Variants in FBXL7 observed in about 807,000 individuals in gnomAD.
FBXL7 encodes F-box/LRR-repeat protein 7.
In FBXL7, 12 loss-of-function variants were observed where a neutral mutation model predicts 38.3. The observed-to-expected ratio is 0.31, with a 90% CI of 0.20 to 0.51. The LOEUF is 0.51. Among genes scored for constraint, FBXL7 ranks in the 20% least tolerant of loss-of-function variants. The pLI is 0.98. For synonymous variants in FBXL7, 297 were observed against 300.9 expected, an observed-to-expected ratio of 0.99 and a Z score of 0.13; for missense variants, 567 against 676.4, an observed-to-expected ratio of 0.84 and a Z score of 1.79.
At position 15,913,104 on chromosome 5, in the gene FBXL7, T is replaced by A. The variant is rs144953792; in HGVS notation, c.128-14786T>A. ...ACTGGTTTTTCCAAGCATTTAAAAATGTTAATGGGAATGTGGAATTTATGA... is the reference window on the plus strand; with the variant it reads ...ACTGGTTTTTCCAAGCATTTAAAAAAGTTAATGGGAATGTGGAATTTATGA... On this transcript the variant is annotated intron_variant, in intron 2 of 3. Coordinates refer to ENST00000504595, the MANE Select transcript of FBXL7 (RefSeq NM_012304.5). 6.8e-4 allele frequency among the ~76,000 whole-genome samples: 103 copies of A among 152,310 alleles called. 1 individual carries two copies. Among genetic ancestry groups the A allele is most frequent in the African/African-American group, 2.5e-3 (102 of 41,568 alleles).
chr5:15,638,443 G>A (rs181928442), intron 2 of FBXL7, among the ~76,000 whole-genome samples: 87 of 152,306 alleles, frequency 5.7e-4, no homozygotes, highest in Admixed American at 5.4e-3. Context: ...ACAAAATCCC[G>A]GCTCCACCCT....
At chr5:15,611,799 A>T (rs187756693) in intron 1 of FBXL7, among the ~76,000 whole-genome samples, 43 of 151,802 alleles carry the variant, frequency 2.8e-4, no homozygotes, top group Admixed American at 8.5e-4. Flanking sequence ...CCTGGGCAAC[A>T]TAATGAGACC....
chr5:15,615,805 A>G (rs377403768), intron 1 of FBXL7, among the ~76,000 whole-genome samples, 178 bp from the exon 2 acceptor site: 3 of 152,324 alleles, frequency 2.0e-5, no homozygotes, highest in East Asian at 3.9e-4. Context: ...CATGGATCAG[A>G]TATTTCCCAA....
intron 2 of FBXL7, among the ~76,000 whole-genome samples, chr5:15,668,878 C>T (rs1215350131): frequency 6.6e-6 from 1 of 152,180 alleles, no homozygotes; most frequent in Non-Finnish European, 1.5e-5. Flanking sequence ...TGTCAAATTA[C>T]ATGTCTGCAT....
At chr5:15,843,998 CCTT>C (rs1738824984) in intron 2 of FBXL7, among the ~76,000 whole-genome samples, 1 of 151,778 alleles carries the variant, frequency 6.6e-6, no homozygotes, top group South Asian at 2.1e-4. Flanking sequence ...TAGAGAAGTG[CCTT>C]TTTTTTAAGT....
In FBXL7 at chr5:15,936,381, A is replaced by G; in HGVS notation, c.740-69A>G. The G allele has an allele frequency of 6.5e-7, 1 of 1,545,618 alleles. No individual in the cohort carries two copies. The highest frequency in any genetic ancestry group is 8.7e-7 in the Non-Finnish European group (1 of 1,144,862). ...CTTGGGCGAGGGTCAGGAATGCCCCAGGGCATCCCCAGGCGTGGCTCCCCT... is the reference window on the plus strand; with the variant it reads ...CTTGGGCGAGGGTCAGGAATGCCCCGGGGCATCCCCAGGCGTGGCTCCCCT... On this transcript the variant is annotated intron_variant, in intron 3 of 3. Coordinates refer to ENST00000504595, the MANE Select transcript of FBXL7 (RefSeq NM_012304.5). The surrounding 1 kb of genome is among the most constrained non-coding windows in gnomAD (Gnocchi z 6.0).
intron 1 of FBXL7, among the ~76,000 whole-genome samples, chr5:15,611,975 C>T (rs1452725488): frequency 6.6e-6 from 1 of 150,504 alleles, no homozygotes; most frequent in African/African-American, 2.4e-5. Flanking sequence ...AGTGAGACAC[C>T]ATTTCAAAAA....
intron 2 of FBXL7, among the ~76,000 whole-genome samples, chr5:15,685,980 C>CCG (rs890958413): frequency 2.6e-5 from 4 of 152,084 alleles, no homozygotes; most frequent in Admixed American, 1.3e-4. Flanking sequence ...ACAACAGTCC[C>CCG]GGGGGGAGAC....
chr5:15,823,719 CGTATTGAT>C (rs1207647191), intron 2 of FBXL7, among the ~76,000 whole-genome samples: 2 of 152,052 alleles, frequency 1.3e-5, no homozygotes, highest in Non-Finnish European at 2.9e-5. Flanking sequence ...TCCAGCAAGC[CGTATTGAT>C]GTCTCACGTG....
intron 2 of FBXL7, among the ~76,000 whole-genome samples, chr5:15,748,481 T>G (rs1163849251): frequency 6.6e-6 from 1 of 152,222 alleles, no homozygotes; most frequent in Non-Finnish European, 1.5e-5. Flanking sequence ...TGAATAAGTC[T>G]TACAAGATCT....
intron 2 of FBXL7, among the ~76,000 whole-genome samples, chr5:15,715,294 C>T (rs1394132663): frequency 6.6e-6 from 1 of 151,970 alleles, no homozygotes; most frequent in Admixed American, 6.6e-5. Context: ...AGATCAAGAC[C>T]ATTCTGGCCA....
intron 2 of FBXL7, among the ~76,000 whole-genome samples, chr5:15,652,192 C>T (rs1221977460): frequency 6.6e-6 from 1 of 152,204 alleles, no homozygotes; most frequent in East Asian, 1.9e-4. Context: ...AAACTTCTTT[C>T]TCTGTATCAG....
chr5:15,818,533 A>T lies in FBXL7; in HGVS notation c.128-109357A>T, dbSNP rs143253470. On this transcript the variant is annotated intron_variant, in intron 2 of 3. Transcript: ENST00000504595. ...AATTTAAAGTTTTAAGTGATATAGAAAAAATAATCAAGTAAGTATTTTAAA... is the reference window on the plus strand; with the variant it reads ...AATTTAAAGTTTTAAGTGATATAGATAAAATAATCAAGTAAGTATTTTAAA... Among the ~76,000 whole-genome samples, 893 of 152,294 alleles carry T rather than the reference A, an allele frequency of 5.9e-3. 7 individuals are homozygous for T. Among genetic ancestry groups the T allele is most frequent in the African/African-American group, 0.02 (844 of 41,576 alleles).
At chr5:15,759,162 C>T (rs1004429373) in intron 2 of FBXL7, among the ~76,000 whole-genome samples, 1 of 152,116 alleles carries the variant, frequency 6.6e-6, no homozygotes, top group African/African-American at 2.4e-5. Flanking sequence ...CAGTTCATTC[C>T]TTCGGCTTTT....
chr5:15,705,413 C>T (rs1248853808), intron 2 of FBXL7, among the ~76,000 whole-genome samples: 1 of 152,162 alleles, frequency 6.6e-6, no homozygotes, highest in Non-Finnish European at 1.5e-5. Flanking sequence ...TGTCTGCAAT[C>T]CCTAGAACAG....
At chr5:15,702,439 T>A (rs995922642) in intron 2 of FBXL7, among the ~76,000 whole-genome samples, 1 of 152,196 alleles carries the variant, frequency 6.6e-6, no homozygotes, top group Non-Finnish European at 1.5e-5. Flanking sequence ...GGAGCCAGTA[T>A]TGAGTGTCTG....
At chr5:15,804,138 A>T (rs1231929121) in intron 2 of FBXL7, among the ~76,000 whole-genome samples, 1 of 152,166 alleles carries the variant, frequency 6.6e-6, no homozygotes, top group African/African-American at 2.4e-5. Context: ...ATTTTGCAAT[A>T]TATTTTTTAC....
chr5:15,924,846 C>G (rs1295020976), intron 2 of FBXL7, among the ~76,000 whole-genome samples: 1 of 152,104 alleles, frequency 6.6e-6, no homozygotes, highest in Non-Finnish European at 1.5e-5. Context: ...AGGCTGGTCT[C>G]AAACTCTTGG....
At chr5:15,754,954 G>A (rs1381482360) in intron 2 of FBXL7, among the ~76,000 whole-genome samples, 1 of 152,204 alleles carries the variant, frequency 6.6e-6, no homozygotes, top group Admixed American at 6.5e-5. Context: ...GCTTGGAAGT[G>A]AGAGAGACTG....
Sources: gnomAD v4.1 joint callset for allele counts (sites outside exome capture counted in the v4.1 genomes callset) on GRCh38, gnomAD v4.1.1 for gene constraint, Gnocchi (gnomAD v3.1) non-coding constraint, MANE v1.5 for transcripts, NCBI Gene and HGNC (gene_info 2026-07-23, HGNC 2026-07-21) for gene names.